Variants in PCLO observed in about 807,000 individuals in gnomAD.
PCLO encodes the protein piccolo presynaptic cytomatrix protein.
A neutral mutation model predicts 427.5 loss-of-function variants in PCLO; 82 were observed. That is an observed-to-expected ratio of 0.19 (90% confidence interval 0.16 to 0.23). PCLO has a LOEUF of 0.23. Ranked by LOEUF, PCLO falls within the 10% of genes least tolerant of loss-of-function variation. The pLI is 1.00. For synonymous variants in PCLO, 2,357 were observed against 2,155.4 expected (o/e 1.09, Z -2.59); for missense variants, 6,239 against 6,115.9 (o/e 1.02, Z -0.67).
At chr7:83,074,132 TA>T (rs1188330804) in intron 3 of PCLO, among the ~76,000 whole-genome samples, 2 of 152,016 alleles carry the variant, frequency 1.3e-5, no homozygotes, top group African/African-American at 2.4e-5. Context: ...AACTCATTAT[TA>T]AAATAATTTT....
intron 3 of PCLO, among the ~76,000 whole-genome samples, chr7:83,099,670 C>A (rs975446283): frequency 6.6e-6 from 1 of 152,014 alleles, no homozygotes; most frequent in South Asian, 2.1e-4. Flanking sequence ...GGATTACAGG[C>A]GTGAGCCACT....
intron 10 of PCLO, among the ~76,000 whole-genome samples, chr7:82,867,205 G>C (rs1375054523): frequency 6.6e-6 from 1 of 152,164 alleles, no homozygotes; most frequent in Admixed American, 6.6e-5. Context: ...GTCAAGGCTA[G>C]CCTGGGCAAC....
At chr7:82,884,627 G>A (rs1793587754) in intron 9 of PCLO, among the ~76,000 whole-genome samples, 1 of 152,022 alleles carries the variant, frequency 6.6e-6, no homozygotes, top group South Asian at 2.1e-4. Flanking sequence ...TCTATAAAAG[G>A]CAATGAAAAG....
chr7:82,901,702 C>A (rs533447936), intron 9 of PCLO, among the ~76,000 whole-genome samples: 1 of 152,228 alleles, frequency 6.6e-6, no homozygotes, highest in African/African-American at 2.4e-5. Flanking sequence ...TATCCAGAAT[C>A]TACAACGAAC....
intron 22 of PCLO, among the ~76,000 whole-genome samples, chr7:82,776,906 GCACACA>G (rs59900491): frequency 9.8e-4 from 136 of 139,344 alleles, no homozygotes; most frequent in African/African-American, 3.2e-3. Flanking sequence ...ATAGATATAC[GCACACA>G]CACACACACA....
chr7:82,783,211 G>T lies in PCLO; in HGVS notation c.15007+18307C>A, dbSNP rs1790910969. ...TATCTACATGTGAATTTCTTAGTAT[G>T]GCCACCAGTAAACATTCTTTGGTTT... On this transcript the variant is annotated intron_variant, in intron 22 of 24. Transcript: ENST00000333891. Among the ~76,000 whole-genome samples, 3 of 152,162 alleles carry T rather than the reference G, an allele frequency of 2.0e-5. No homozygotes were observed. The South Asian group carries it at 6.2e-4, about 32-fold the overall frequency.
Position 83,128,365 on chromosome 7 carries a change from CT to C in PCLO, c.3300+5884del, listed in dbSNP as rs373071248. Among the ~76,000 whole-genome samples, 18 of 152,194 alleles carry C rather than the reference CT, an allele frequency of 1.2e-4. No homozygotes were observed. In the East Asian group the frequency reaches 3.1e-3, roughly 26 times the overall value. The stretch of plus-strand genomic sequence containing the variant: ...CAAAAATTGTTTTTGCGATATTTAA[CT>C]TTTTTCATACTAAGTTTTTGAAATC... On this transcript the variant is annotated intron_variant, in intron 3 of 24. Transcript: ENST00000333891.
At position 82,879,419 on chromosome 7, in the gene PCLO, C is replaced by T. The variant is rs370635187; in HGVS notation, c.13572G>A (p.Pro4524=). The change falls in exon 10 of 25, where the codon CCG becomes CCA. Residue 4524 remains proline, a synonymous_variant. Coordinates refer to ENST00000333891, the MANE Select transcript of PCLO (RefSeq NM_033026.6). ...AGGCTCCAATTTCTCCACTATGTCC[C>T]GGGATTTCTTTACCACCCACAATTC... ...GIRIVGGKEI[P]GHSGEIGAYI... The T allele has an allele frequency of 3.1e-5, 50 of 1,608,432 alleles. No individual in the cohort carries two copies. In the Admixed American group the frequency reaches 5.0e-4, roughly 16 times the overall value.
At chr7:82,893,478 C>T (rs1793823683) in intron 9 of PCLO, among the ~76,000 whole-genome samples, 4 of 151,708 alleles carry the variant, frequency 2.6e-5, no homozygotes, top group South Asian at 4.2e-4. Flanking sequence ...ATGTTAATGA[C>T]GAGTTAATGG....
chr7:82,971,530 G>A (rs1282016513), intron 3 of PCLO, among the ~76,000 whole-genome samples: 6 of 146,948 alleles, frequency 4.1e-5, no homozygotes, highest in Non-Finnish European at 7.5e-5. Context: ...TATGTGTATA[G>A]ATATAGATCT....
At chr7:82,887,290 CT>C (rs1418714961) in intron 9 of PCLO, among the ~76,000 whole-genome samples, 1 of 152,126 alleles carries the variant, frequency 6.6e-6, no homozygotes, top group Non-Finnish European at 1.5e-5. Context: ...TTCTTCCTAC[CT>C]TTGATCATCA....
rs191256325 is a variant in PCLO, at chr7:82,779,230, A to G, written c.15008-17737T>C. On this transcript the variant is annotated intron_variant, in intron 22 of 24. Coordinates refer to ENST00000333891, the MANE Select transcript of PCLO (RefSeq NM_033026.6). ...TTTAAAACCGTGTTTTGAAGTGGTC[A>G]TTGCAGGTGACATAGGAAAGATATT... 1.8e-4 allele frequency among the ~76,000 whole-genome samples: 28 copies of G among 152,250 alleles called. No homozygotes were observed. The East Asian group carries it at 5.2e-3, about 28-fold the overall frequency.
At chr7:83,050,528 G>C (rs1185043045) in intron 3 of PCLO, among the ~76,000 whole-genome samples, 1 of 151,440 alleles carries the variant, frequency 6.6e-6, no homozygotes, top group Non-Finnish European at 1.5e-5. Context: ...AAAAAATACA[G>C]TCTCTCAACA....
At chr7:83,109,814 TTTTA>T (rs1239352717) in intron 3 of PCLO, among the ~76,000 whole-genome samples, 2 of 152,162 alleles carry the variant, frequency 1.3e-5, no homozygotes, top group African/African-American at 4.8e-5. Context: ...AGCAAAAACA[TTTTA>T]TTTAATATAA....
chr7:82,928,295 AC>A (rs1458662976), intron 6 of PCLO, among the ~76,000 whole-genome samples: 1 of 152,190 alleles, frequency 6.6e-6, no homozygotes, highest in Non-Finnish European at 1.5e-5. Context: ...TAAAGCCACT[AC>A]TACATTACTA....
At chr7:82,938,593 A>G (rs1397752383) in intron 6 of PCLO, among the ~76,000 whole-genome samples, 1 of 152,032 alleles carries the variant, frequency 6.6e-6, no homozygotes. Context: ...ACCAGTGAGC[A>G]TAAGGAGAAA....
Position 83,087,027 on chromosome 7 carries a change from T to C in PCLO, c.3300+47223A>G, listed in dbSNP as rs796957181. Among the ~76,000 whole-genome samples, 3 of 132,586 alleles carry C rather than the reference T, an allele frequency of 2.3e-5. No individual in the cohort carries two copies. The South Asian group carries it at 7.0e-4, about 31-fold the overall frequency. 87.0% of individuals were successfully genotyped at this position (132,586 alleles called of 152,430 possible). A position where few individuals can be genotyped will look rare whatever the true frequency, so the allele number is the denominator to read the frequency against. On this transcript the variant is annotated intron_variant, in intron 3 of 24. Transcript: ENST00000333891. ...GGTGGGAACTGAACAATGAAAACAC[T>C]TGGACACAGGAAGGGGAACGTCACG...
chr7:82,903,191 G>T (rs1794100194), intron 8 of PCLO, among the ~76,000 whole-genome samples: 1 of 151,862 alleles, frequency 6.6e-6, no homozygotes, highest in Admixed American at 6.6e-5. Flanking sequence ...CCCCTACTTT[G>T]ACATCTCTGT....
intron 22 of PCLO, among the ~76,000 whole-genome samples, chr7:82,782,775 A>G (rs993916803): frequency 5.9e-5 from 9 of 152,168 alleles, no homozygotes; most frequent in Non-Finnish European, 1.2e-4. Context: ...CATAATATAA[A>G]TATATTTGAA....
Sources: gnomAD v4.1 joint callset for allele counts (sites outside exome capture counted in the v4.1 genomes callset) on GRCh38, gnomAD v4.1.1 for gene constraint, MANE v1.5 for transcripts, NCBI Gene and HGNC (gene_info 2026-07-23, HGNC 2026-07-21) for gene names.